Variants in SAMD3 observed in about 807,000 individuals in gnomAD.
SAMD3 encodes sterile alpha motif domain-containing protein 3.
A neutral mutation model predicts 58.5 loss-of-function variants in SAMD3; 63 were observed. The ratio of observed to expected loss-of-function variants is 1.08; its 90% CI spans 0.88 to 1.33. SAMD3 has a LOEUF of 1.33. SAMD3 is among the 40% of genes most tolerant of loss of function. SAMD3 has a pLI of 0.00. For missense variants in SAMD3, 604 were observed against 608.4 expected (o/e 0.99, Z 0.08); for synonymous variants, 220 against 210.3 (o/e 1.05, Z -0.40).
In SAMD3 at chr6:130,172,878, A is replaced by G. The variant is rs561623012; in HGVS notation, c.822+2963T>C. On this transcript the variant is annotated intron_variant, in intron 8 of 11. Transcript: ENST00000439090. ...ATGTTTGTTCTTTTTACATAGTCCC[A>G]TATTTCTTGGAGGCTTTGTTCATTC... 1.1e-4 allele frequency among the ~76,000 whole-genome samples: 17 copies of G among 152,160 alleles called. No individual in the cohort carries two copies. The South Asian group carries it at 3.5e-3, about 32-fold the overall frequency.
intron 9 of SAMD3, among the ~76,000 whole-genome samples, chr6:130,154,418 A>G (rs1324288127): frequency 6.6e-6 from 1 of 151,812 alleles, no homozygotes; most frequent in African/African-American, 2.4e-5. Flanking sequence ...GAAAGAGGGA[A>G]AAATCCATTT....
At chr6:130,211,646 C>G (rs374031942) in intron 4 of SAMD3, among the ~76,000 whole-genome samples, 2 of 152,088 alleles carry the variant, frequency 1.3e-5, no homozygotes, top group African/African-American at 4.8e-5. Context: ...GTTGTCCTGC[C>G]CTTCCAGTTC....
intron 2 of SAMD3, among the ~76,000 whole-genome samples, chr6:130,263,487 G>T (rs557139591): frequency 2.0e-5 from 3 of 152,110 alleles, no homozygotes; most frequent in Non-Finnish European, 4.4e-5. Flanking sequence ...CAGCAAAAAA[G>T]GATAGACTCA....
intron 2 of SAMD3, among the ~76,000 whole-genome samples, chr6:130,238,875 C>T (rs1773256501): frequency 6.6e-6 from 1 of 152,184 alleles, no homozygotes; most frequent in Non-Finnish European, 1.5e-5. Flanking sequence ...TCTCCTGCCT[C>T]AGCCTCCCGA....
intron 2 of SAMD3, among the ~76,000 whole-genome samples, chr6:130,297,145 C>A (rs773026665): frequency 6.6e-5 from 10 of 152,210 alleles, no homozygotes; most frequent in Non-Finnish European, 1.2e-4. Flanking sequence ...ATGGGACAAG[C>A]TTTCTGAGAT....
chr6:130,229,159 C>A (rs927017420), intron 2 of SAMD3, among the ~76,000 whole-genome samples: 1 of 152,128 alleles, frequency 6.6e-6, no homozygotes. Flanking sequence ...AACGGGAGCC[C>A]CAGAGGCCTT....
intron 1 of SAMD3, among the ~76,000 whole-genome samples, chr6:130,357,291 A>AT (rs1029607972): frequency 6.6e-6 from 1 of 151,746 alleles, no homozygotes; most frequent in African/African-American, 2.4e-5. Flanking sequence ...CGCCAGGCTA[A>AT]TTTTTTGTAT....
intron 2 of SAMD3, among the ~76,000 whole-genome samples, chr6:130,245,725 A>G (rs1773519540): frequency 6.6e-6 from 1 of 152,240 alleles, no homozygotes; most frequent in African/African-American, 2.4e-5. Flanking sequence ...AAATGTATGT[A>G]AAACTCTACA....
intron 2 of SAMD3, among the ~76,000 whole-genome samples, chr6:130,236,957 T>C (rs556036118): frequency 1.3e-5 from 2 of 152,284 alleles, no homozygotes; most frequent in South Asian, 4.1e-4. Flanking sequence ...TTCATTGCAA[T>C]CAATAAAATA....
chr6:130,362,580 G>A (rs532205746), intron 1 of SAMD3, among the ~76,000 whole-genome samples: 1 of 152,354 alleles, frequency 6.6e-6, no homozygotes, highest in East Asian at 1.9e-4. Flanking sequence ...GCTTTGGAAG[G>A]GAGAGAGTAT....
rs561629694 is a variant in SAMD3 at position 130,329,707 on chromosome 6, C to T, written c.-303-16614G>A. Among the ~76,000 whole-genome samples, 65 of 152,246 alleles carry T rather than the reference C, an allele frequency of 4.3e-4. No homozygotes were observed. In the South Asian group the frequency reaches 1.0e-2, roughly 23 times the overall value. On this transcript the variant is annotated intron_variant, in intron 1 of 13. Transcript: ENST00000368134. ...TAGACTGGATAAAGAAAATGTGGCACATATATGTCATGGAGTACTATGCAG... is the reference window on the plus strand; with the variant it reads ...TAGACTGGATAAAGAAAATGTGGCATATATATGTCATGGAGTACTATGCAG...
In SAMD3 at chr6:130,284,293, T is replaced by A. The variant is rs557972643; in HGVS notation, c.-188+28685A>T. 3.3e-5 allele frequency among the ~76,000 whole-genome samples: 5 copies of A among 152,346 alleles called. No individual in the cohort carries two copies. In the South Asian group the frequency reaches 1.0e-3, roughly 32 times the overall value. Reference sequence around the variant, plus strand: ...TTTATTAGAAGAAGGTTAGAATTATTGATTTCAATTTTAGTTCCTGTTTAA... The same window carrying A: ...TTTATTAGAAGAAGGTTAGAATTATAGATTTCAATTTTAGTTCCTGTTTAA... On this transcript the variant is annotated intron_variant, in intron 2 of 13. Transcript: ENST00000368134.
intron 1 of SAMD3, among the ~76,000 whole-genome samples, chr6:130,342,059 T>C (rs1434708266): frequency 6.6e-6 from 1 of 152,234 alleles, no homozygotes. Context: ...CTTTGGTTAG[T>C]TGGGTGGTCC....
At chr6:130,344,900 T>TA in intron 1 of SAMD3, among the ~76,000 whole-genome samples, 1 of 151,030 alleles carries the variant, frequency 6.6e-6, no homozygotes, top group Non-Finnish European at 1.5e-5. Context: ...AATTTCCTTT[T>TA]ACTGTTTCAG....
intron 9 of SAMD3, among the ~76,000 whole-genome samples, chr6:130,150,636 T>C (rs980492004): frequency 1.4e-4 from 22 of 152,048 alleles, no homozygotes; most frequent in African/African-American, 5.1e-4. Context: ...TGGTTCTCAC[T>C]CATGAGGCAT....
intron 5 of SAMD3, among the ~76,000 whole-genome samples, chr6:130,191,431 G>A (rs1256971423): frequency 6.6e-6 from 1 of 152,102 alleles, no homozygotes; most frequent in Non-Finnish European, 1.5e-5. Context: ...GCATTTGGAA[G>A]GAAAACTGAG....
chr6:130,229,846 G>A (rs749948577), intron 2 of SAMD3, among the ~76,000 whole-genome samples: 2 of 152,156 alleles, frequency 1.3e-5, no homozygotes, highest in Non-Finnish European at 2.9e-5. Flanking sequence ...GGAGGGGAAG[G>A]AAGCTCAAAG....
Position 130,298,094 on chromosome 6 carries a change from G to A in SAMD3, c.-188+14884C>T, listed in dbSNP as rs73609122. Among the ~76,000 whole-genome samples the A allele has an allele frequency of 8.4e-3, 1,278 of 152,206 alleles. 19 individuals carry two copies. Among genetic ancestry groups the A allele is most frequent in the African/African-American group, 0.029 (1,220 of 41,528 alleles). ...AGGTACAGTCATCAGACTATCCAAG[G>A]TCAATGTGAAGGGGAAAAATCTTAA... On this transcript the variant is annotated intron_variant, in intron 2 of 13. Transcript: ENST00000368134.
intron 2 of SAMD3, among the ~76,000 whole-genome samples, chr6:130,265,627 A>G (rs1774317344): frequency 6.6e-6 from 1 of 152,190 alleles, no homozygotes; most frequent in South Asian, 2.1e-4. Context: ...ACTCTATACA[A>G]GGTATGTAGC....
Sources: allele counts gnomAD v4.1 joint callset (sites outside exome capture counted in the v4.1 genomes callset), GRCh38; gene constraint gnomAD v4.1.1; transcripts MANE v1.5; gene names NCBI Gene and HGNC (gene_info 2026-07-23, HGNC 2026-07-21).